Variants in ZNF268 observed in about 807,000 individuals in gnomAD.
ZNF268 encodes the protein zinc finger protein 3.
In ZNF268, 20 loss-of-function variants were observed where a neutral mutation model predicts 29.3. The observed-to-expected ratio is 0.68, with a 90% CI of 0.48 to 0.99. The LOEUF is 0.99. Among genes scored for constraint, ZNF268 ranks in the 50% least tolerant of loss-of-function variants. ZNF268 has a pLI of 0.00. For synonymous variants in ZNF268, 429 were observed against 376.9 expected (o/e 1.14, Z -1.60); for missense variants, 1,240 against 1,121.6 (o/e 1.11, Z -1.51).
intron 3 of ZNF268, 148 bp downstream of exon 3, chr12:133,188,220 A>G (rs1956373695): frequency 1.4e-6 from 1 of 712,312 alleles, no homozygotes; most frequent in Non-Finnish European, 2.3e-6. Context: ...TTTTTGAGAC[A>G]GGGTCTTGGT....
Position 133,207,853 on chromosome 12 carries a change from TTTAA to T in ZNF268, c.*3328_*3331del, listed in dbSNP as rs1325915995. The T allele has an allele frequency of 6.6e-6, 1 of 152,112 alleles. No individual in the cohort carries two copies. The highest frequency in any genetic ancestry group is 2.4e-5 in the African/African-American group (1 of 41,400). The allele number at this position is 152,112 out of a possible 1,614,324, so 9.4% of individuals were successfully genotyped here. ...TGGAAGATTTAATATTAGAAAATAT[TTTAA>T]TTAACTACCAGATAAAACTCATAAG... On this transcript the variant is annotated 3_prime_UTR_variant, in exon 6 of 6. Coordinates refer to ENST00000536435, the MANE Select transcript of ZNF268 (RefSeq NM_003415.3).
chr12:133,184,114 C>CT lies in ZNF268; in HGVS notation c.33+2095dup, dbSNP rs113751729. 4.8e-3 allele frequency among the ~76,000 whole-genome samples: 698 copies of CT among 146,080 alleles called. 3 individuals are homozygous for CT. Among genetic ancestry groups the CT allele is most frequent in the African/African-American group, 0.015 (585 of 40,252 alleles). On this transcript the variant is annotated intron_variant, in intron 2 of 5. Transcript: ENST00000536435. ...CTGATGAGGCCTGCTTTCTTGTTTT[C>CT]TTTTTTTTTTTGGAGACAGTCTCTC...
At chr12:133,195,305 G>T (rs2135505658) in intron 5 of ZNF268, among the ~76,000 whole-genome samples, 1 of 152,292 alleles carries the variant, frequency 6.6e-6, no homozygotes, top group Middle Eastern at 3.4e-3. Flanking sequence ...CCCAGTGATT[G>T]CCTTTGGACC....
chr12:133,207,735 G>C lies in ZNF268; in HGVS notation c.*3205G>C, dbSNP rs1956924401. ...GGACGGGAGAATCACTTGAATCTAG[G>C]AGGCGGAAGTTGCAGTGAGCTGAGA... On this transcript the variant is annotated 3_prime_UTR_variant, in exon 6 of 6. Coordinates refer to ENST00000536435, the MANE Select transcript of ZNF268 (RefSeq NM_003415.3). The C allele has an allele frequency of 6.6e-6, 1 of 152,160 alleles. No homozygotes were observed. Among genetic ancestry groups the C allele is most frequent in the African/African-American group, 2.4e-5 (1 of 41,432 alleles). 9.4% of individuals were successfully genotyped at this position (152,160 alleles called of 1,614,324 possible).
Position 133,191,492 on chromosome 12 carries a change from C to G in ZNF268, c.238C>G (p.Pro80Ala). 6.2e-7 allele frequency: 1 copy of G among 1,613,890 alleles called. No homozygotes were observed. Among genetic ancestry groups the G allele is most frequent in the Non-Finnish European group, 8.5e-7 (1 of 1,179,892 alleles). ...EQPKITKSWG[P>A]LSFMDVFVDF... is the part of the protein sequence containing the mutation. Reference sequence around the variant, plus strand: ...GGATGAGCATATTGTATTTCAGGGACCTTTGTCATTCATGGATGTGTTTGT... The same window carrying G: ...GGATGAGCATATTGTATTTCAGGGAGCTTTGTCATTCATGGATGTGTTTGT... Residue 80 changes from proline (P) to alanine (A), a missense_variant, in exon 4 of 6, where the codon CCT (proline) becomes GCT (alanine). Around this residue, in one of 3 missense-constraint regions of ZNF268, gnomAD observed 1,177 missense variants for 1,039.6 expected, o/e 1.13. Coordinates refer to ENST00000536435, the MANE Select transcript of ZNF268 (RefSeq NM_003415.3).
At chr12:133,193,836 C>T (rs1049311544) in intron 5 of ZNF268, among the ~76,000 whole-genome samples, 1 of 152,166 alleles carries the variant, frequency 6.6e-6, no homozygotes, top group African/African-American at 2.4e-5. Flanking sequence ...CACTCCCTGG[C>T]CTCGTTTTCA....
At position 133,210,917 on chromosome 12, in the gene ZNF268, C is replaced by T. The variant is rs770517643; in HGVS notation, c.*6387C>T. On this transcript the variant is annotated 3_prime_UTR_variant, in exon 6 of 6. Transcript: ENST00000536435. The stretch of plus-strand genomic sequence containing the variant: ...CTACCTAGGCACAGTGTTGGATGGT[C>T]AGTGCTTCCTGTTTTGTGATGGCCA... 7 of 456,024 alleles carry T rather than the reference C, an allele frequency of 1.5e-5. No individual in the cohort carries two copies. Among genetic ancestry groups the T allele is most frequent in the South Asian group, 1.1e-4 (7 of 64,564 alleles). The allele number at this position is 456,024 out of a possible 1,614,324, so 28.2% of individuals were successfully genotyped here.
Position 133,206,419 on chromosome 12 carries a change from T to G in ZNF268, c.*1889T>G, listed in dbSNP as rs552150408. The G allele has an allele frequency of 2.0e-5, 3 of 152,330 alleles. No individual in the cohort carries two copies. The highest frequency in any genetic ancestry group is 2.1e-4 in the South Asian group (1 of 4,830). The allele number at this position is 152,330 out of a possible 1,614,324, so 9.4% of individuals were successfully genotyped here. A position where few individuals can be genotyped will look rare whatever the true frequency, so the allele number is the denominator to read the frequency against. Reference sequence around the variant, plus strand: ...TGATCTTAAAACTTCAATTTAAGATTATGTGTCAGTGATACTACTTAGTTA... The same window carrying G: ...TGATCTTAAAACTTCAATTTAAGATGATGTGTCAGTGATACTACTTAGTTA... On this transcript the variant is annotated 3_prime_UTR_variant, in exon 6 of 6. Coordinates refer to ENST00000536435, the MANE Select transcript of ZNF268 (RefSeq NM_003415.3).
chr12:133,191,566 C>T lies in ZNF268; in HGVS notation c.312C>T (p.Cys104=). The T allele has an allele frequency of 1.2e-6, 2 of 1,614,002 alleles. No homozygotes were observed. The highest frequency in any genetic ancestry group is 1.7e-6 in the Non-Finnish European group (2 of 1,179,974). The change falls in exon 4 of 6, where the codon TGC becomes TGT. Residue 104 remains cysteine, a synonymous_variant. Transcript: ENST00000536435. ...EWQLLDPAQK[C]LYRSVMLENY... ...AGCTGCTAGACCCAGCACAGAAGTG[C>T]CTGTACAGGAGTGTGATGTTGGAGA...
Position 133,211,115 on chromosome 12 carries a change from C to G in ZNF268, c.*6585C>G. The G allele has an allele frequency of 2.3e-6, 1 of 426,274 alleles. No homozygotes were observed. The highest frequency in any genetic ancestry group is 2.0e-5 in the African/African-American group (1 of 49,088). 26.4% of individuals were successfully genotyped at this position (426,274 alleles called of 1,614,324 possible). The stretch of plus-strand genomic sequence containing the variant: ...GCCATAGACAAAAGTCAAGTGATTT[C>G]CTATATATTTGAAATAATGTATAGC... On this transcript the variant is annotated 3_prime_UTR_variant, in exon 6 of 6. Transcript: ENST00000536435.
Position 133,211,133 on chromosome 12 carries a change from T to A in ZNF268, c.*6603T>A, listed in dbSNP as rs1186646315. 2.5e-6 allele frequency: 1 copy of A among 393,924 alleles called. No homozygotes were observed. Among genetic ancestry groups the A allele is most frequent in the Admixed American group, 3.0e-5 (1 of 33,824 alleles). 24.4% of individuals were successfully genotyped at this position (393,924 alleles called of 1,614,324 possible). ...GTGATTTCCTATATATTTGAAATAA[T>A]GTATAGCAATAATTGGAATTTGTAA... On this transcript the variant is annotated 3_prime_UTR_variant, in exon 6 of 6. Transcript: ENST00000536435.
intron 3 of ZNF268, among the ~76,000 whole-genome samples, chr12:133,188,401 G>C (rs1346719432): frequency 6.6e-6 from 1 of 151,958 alleles, no homozygotes; most frequent in Non-Finnish European, 1.5e-5. Context: ...CTCCCTGTGT[G>C]GCTCAGGCTG....
intron 5 of ZNF268, among the ~76,000 whole-genome samples, chr12:133,198,961 T>C (rs1334521817): frequency 4.2e-4 from 59 of 140,786 alleles, no homozygotes; most frequent in South Asian, 7.1e-4. Flanking sequence ...TTTCTAGATA[T>C]ACAATCATGT....
At position 133,205,123 on chromosome 12, in the gene ZNF268, C is replaced by T. The variant is rs1956867704; in HGVS notation, c.*593C>T. On this transcript the variant is annotated 3_prime_UTR_variant, in exon 6 of 6. Transcript: ENST00000536435. ...AATAAACCACAGCTGGACTGTTAACCTCACCTTAGAAGCTTCATTCTAAAA... is the reference window on the plus strand; with the variant it reads ...AATAAACCACAGCTGGACTGTTAACTTCACCTTAGAAGCTTCATTCTAAAA... 1 of 121,838 alleles carries T rather than the reference C, an allele frequency of 8.2e-6. No homozygotes were observed. 7.5% of individuals were successfully genotyped at this position (121,838 alleles called of 1,614,324 possible). A position where few individuals can be genotyped will look rare whatever the true frequency, so the allele number is the denominator to read the frequency against.
intron 3 of ZNF268, among the ~76,000 whole-genome samples, chr12:133,191,181 G>A (rs2135496777): frequency 6.6e-6 from 1 of 152,214 alleles, no homozygotes; most frequent in South Asian, 2.1e-4. Context: ...GCCGGACTTG[G>A]TGGTGGGTGC....
rs1956972048 is a variant in ZNF268, at chr12:133,211,079, C to G, written c.*6549C>G. 2.2e-6 allele frequency: 1 copy of G among 451,216 alleles called. No individual in the cohort carries two copies. The highest frequency in any genetic ancestry group is 2.4e-5 in the Admixed American group (1 of 42,384). The allele number at this position is 451,216 out of a possible 1,614,324, so 28.0% of individuals were successfully genotyped here. A position where few individuals can be genotyped will look rare whatever the true frequency, so the allele number is the denominator to read the frequency against. The stretch of plus-strand genomic sequence containing the variant: ...TGGAATGGATAGAGATAATAAAAGG[C>G]AAAGTAGATGGCCATAGACAAAAGT... On this transcript the variant is annotated 3_prime_UTR_variant, in exon 6 of 6. Transcript: ENST00000536435.
chr12:133,212,181 T>C lies in ZNF268; in HGVS notation c.*7651T>C, dbSNP rs1956991418. The C allele has an allele frequency of 6.6e-6, 1 of 152,092 alleles. No individual in the cohort carries two copies. The highest frequency in any genetic ancestry group is 1.5e-5 in the Non-Finnish European group (1 of 68,020). The allele number at this position is 152,092 out of a possible 1,614,324, so 9.4% of individuals were successfully genotyped here. The stretch of plus-strand genomic sequence containing the variant: ...GCAGAAACTACAGGGGTAGCAAACA[T>C]ATCTGTGATTGATGACGGTTTGTAG... On this transcript the variant is annotated 3_prime_UTR_variant, in exon 6 of 6. Transcript: ENST00000536435.
At chr12:133,197,086 T>G (rs1389674265) in intron 5 of ZNF268, among the ~76,000 whole-genome samples, 1 of 151,394 alleles carries the variant, frequency 6.6e-6, no homozygotes, top group African/African-American at 2.4e-5. Context: ...GTGCACAATG[T>G]CCAGGTTAGT....
At chr12:133,197,632 G>C (rs1000753346) in intron 5 of ZNF268, among the ~76,000 whole-genome samples, 69 of 152,302 alleles carry the variant, frequency 4.5e-4, no homozygotes, top group African/African-American at 1.6e-3. Context: ...CACAATGGTT[G>C]AACTAGTTTA....
Sources: allele counts gnomAD v4.1 joint callset (sites outside exome capture counted in the v4.1 genomes callset), GRCh38; gene constraint gnomAD v4.1.1; regional missense constraint gnomAD v4.1.1; transcripts MANE v1.5; gene names NCBI Gene and HGNC (gene_info 2026-07-23, HGNC 2026-07-21).